The following CLIC5 variants were observed in gnomAD, a reference collection of about 807,000 sequenced individuals.
CLIC5 encodes the protein chloride intracellular channel protein 5.
A neutral mutation model predicts 24.7 loss-of-function variants in CLIC5; 20 were observed. That is an observed-to-expected ratio of 0.81 (90% CI 0.57 to 1.18). The LOEUF is 1.18. Ranked by LOEUF, CLIC5 falls within the 50% of genes most tolerant of loss-of-function variation. The pLI, the probability that CLIC5 is intolerant of heterozygous loss-of-function variation, is 0.00. For missense variants in CLIC5, 341 were observed against 326.1 expected, an observed-to-expected ratio of 1.05 and a Z score of -0.35; for synonymous variants, 159 against 135.6, an observed-to-expected ratio of 1.17 and a Z score of -1.20.
At chr6:46,033,361 G>A (rs1248261920) in intron 1 of CLIC5, among the ~76,000 whole-genome samples, 2 of 151,816 alleles carry the variant, frequency 1.3e-5, no homozygotes, top group Admixed American at 6.6e-5. Context: ...GAAAACATAT[G>A]TATTTGTAAA....
At chr6:46,107,128 T>A in the CLIC5 span, among the ~76,000 whole-genome samples, 1 of 152,234 alleles carries the variant, frequency 6.6e-6, no homozygotes, top group African/African-American at 2.4e-5. Context: ...TTTTAAAAGT[T>A]ATTGGTAAAA....
chr6:46,078,734 C>T (rs1034095300), intron 1 of CLIC5, among the ~76,000 whole-genome samples: 3 of 151,972 alleles, frequency 2.0e-5, no homozygotes, highest in African/African-American at 7.3e-5. Flanking sequence ...TTTAAAAGGA[C>T]CTTGTAGTAG....
the CLIC5 span, among the ~76,000 whole-genome samples, chr6:46,127,636 A>G: frequency 1.3e-5 from 2 of 152,244 alleles, no homozygotes; most frequent in African/African-American, 2.4e-5. Context: ...ATGAAACTAT[A>G]GTGAACTTTG....
At chr6:45,950,827 T>C (rs528662828) in intron 2 of CLIC5, among the ~76,000 whole-genome samples, 1 of 152,314 alleles carries the variant, frequency 6.6e-6, no homozygotes, top group East Asian at 1.9e-4. Context: ...TAAGACTTAT[T>C]TTGAGAACAT....
intron 1 of CLIC5, among the ~76,000 whole-genome samples, chr6:46,032,596 T>A (rs1767534001): frequency 1.3e-5 from 2 of 152,236 alleles, no homozygotes; most frequent in South Asian, 4.1e-4. Flanking sequence ...CTATGTGTGC[T>A]GCCTCCAACC....
intron 1 of CLIC5, among the ~76,000 whole-genome samples, chr6:46,064,514 T>A (rs1314281549): frequency 6.6e-6 from 1 of 152,074 alleles, no homozygotes; most frequent in Admixed American, 6.6e-5. Context: ...TTAACAAAAT[T>A]GTAGCAAATC....
chr6:45,965,858 TC>T (rs1172822008), intron 1 of CLIC5, among the ~76,000 whole-genome samples: 1 of 152,174 alleles, frequency 6.6e-6, no homozygotes, highest in Non-Finnish European at 1.5e-5. Context: ...GTGAATCCAT[TC>T]CCCCTATATT....
intron 4 of CLIC5, among the ~76,000 whole-genome samples, chr6:45,938,796 C>T (rs1764027387): frequency 6.6e-6 from 1 of 152,136 alleles, no homozygotes; most frequent in South Asian, 2.1e-4. Context: ...TCTGAGGGCA[C>T]TTTGACAAGT....
At chr6:46,016,601 T>C (rs1434898857), upstream of CLIC5, among the ~76,000 whole-genome samples, 1 of 152,202 alleles carries the variant, frequency 6.6e-6, no homozygotes, top group African/African-American at 2.4e-5. Context: ...GTTGTTTTAG[T>C]GAAGTAGGAT....
chr6:46,021,217 A>C (rs1473443935), intron 1 of CLIC5, among the ~76,000 whole-genome samples: 1 of 152,204 alleles, frequency 6.6e-6, no homozygotes, highest in Non-Finnish European at 1.5e-5. Context: ...AGAGCAATGC[A>C]AATAAAGAGA....
At chr6:46,118,595 A>G in the CLIC5 span, among the ~76,000 whole-genome samples, 3 of 152,198 alleles carry the variant, frequency 2.0e-5, no homozygotes, top group Admixed American at 1.3e-4. Flanking sequence ...AGTGCTTTGC[A>G]CCTCATTAAG....
At chr6:45,952,516 T>C (rs550798923) in intron 2 of CLIC5, among the ~76,000 whole-genome samples, 6 of 152,348 alleles carry the variant, frequency 3.9e-5, no homozygotes, top group African/African-American at 1.4e-4. Context: ...AAGAAGACAC[T>C]GTCTCCATTG....
At chr6:46,110,914 A>G in the CLIC5 span, among the ~76,000 whole-genome samples, 2 of 152,230 alleles carry the variant, frequency 1.3e-5, no homozygotes, top group African/African-American at 4.8e-5. Flanking sequence ...CAATAAAACT[A>G]AAACTTATTT....
chr6:46,107,266 T>C, the CLIC5 span, among the ~76,000 whole-genome samples: 1 of 152,208 alleles, frequency 6.6e-6, no homozygotes, highest in South Asian at 2.1e-4. Context: ...ATTTTTAATC[T>C]GTGAGTTTAT....
At chr6:45,932,134 G>A (rs1240643850) in intron 4 of CLIC5, among the ~76,000 whole-genome samples, 3 of 151,898 alleles carry the variant, frequency 2.0e-5, no homozygotes, top group Admixed American at 1.3e-4. Context: ...CTTTTTAGAC[G>A]GAGTCTCATT....
At chr6:45,918,997 C>G in intron 4 of CLIC5, 1 of 985,440 alleles carries the variant, frequency 1.0e-6, no homozygotes, top group Non-Finnish European at 1.2e-6. Flanking sequence ...CAAACTACTC[C>G]TGGGACGTAC....
intron 6 of CLIC5, among the ~76,000 whole-genome samples, chr6:45,885,224 G>A (rs1181750491): frequency 2.6e-5 from 4 of 152,072 alleles, no homozygotes; most frequent in Non-Finnish European, 5.9e-5. Flanking sequence ...TTTCAAAAGC[G>A]ATCTCACAGA....
chr6:45,907,096 G>T (rs1762681965), intron 5 of CLIC5, among the ~76,000 whole-genome samples: 2 of 152,168 alleles, frequency 1.3e-5, no homozygotes, highest in African/African-American at 2.4e-5. Context: ...TCCTTGTCTT[G>T]TTGCAGTTTT....
intron 5 of CLIC5, among the ~76,000 whole-genome samples, chr6:45,909,577 T>C (rs527656587): frequency 9.8e-5 from 15 of 152,358 alleles, no homozygotes; most frequent in South Asian, 8.3e-4. Flanking sequence ...TGGAATTTCT[T>C]TCTTTAAGAA....
Sources: allele counts gnomAD v4.1 joint callset (sites outside exome capture counted in the v4.1 genomes callset), GRCh38; gene constraint gnomAD v4.1.1; transcripts MANE v1.5; gene names NCBI Gene and HGNC (gene_info 2026-07-23, HGNC 2026-07-21).